NKAIN1: variants seen among roughly 807,000 people sequenced by gnomAD.
NKAIN1 encodes sodium/potassium-transporting ATPase subunit beta-1-interacting protein 1.
Under a neutral mutation model 31.6 loss-of-function variants are expected in NKAIN1, and 13 were observed. That is an observed-to-expected ratio of 0.41 (90% CI 0.27 to 0.65). The LOEUF (loss-of-function observed/expected upper bound fraction) is 0.65, where lower values mean the gene tolerates loss of function less well. Ranked by LOEUF, NKAIN1 falls within the 30% of genes least tolerant of loss-of-function variation. NKAIN1 has a pLI of 0.30. For synonymous variants in NKAIN1, 104 were observed against 109.0 expected (o/e 0.95, Z 0.28); for missense variants, 193 against 262.2 (o/e 0.74, Z 1.82).
rs1194875411 is a variant in NKAIN1 at position 31,239,620 on chromosome 1, G to A, written c.-73C>T. 1.1e-5 allele frequency: 10 copies of A among 908,632 alleles called. No homozygotes were observed. The highest frequency in any genetic ancestry group is 5.1e-5 in the South Asian group (1 of 19,650). 56.3% of individuals were successfully genotyped at this position (908,632 alleles called of 1,614,324 possible). ...CGCGGCCGCCGCCTGCTCGCGCCGC[G>A]CGGGCTCCACGTCCTCCCCGCTGGG... is the stretch of plus-strand genomic sequence containing the variant. On this transcript the variant is annotated 5_prime_UTR_variant, in exon 1 of 7. Coordinates refer to ENST00000373736, the MANE Select transcript of NKAIN1 (RefSeq NM_024522.3). This position sits in a 1 kb window ranked among gnomAD's most constrained non-coding sequence, Gnocchi z 4.8.
intron 1 of NKAIN1, among the ~76,000 whole-genome samples, chr1:31,222,756 G>A (rs1192965133): frequency 6.6e-6 from 1 of 152,206 alleles, no homozygotes; most frequent in Non-Finnish European, 1.5e-5. Flanking sequence ...ACCTGGTGAA[G>A]TGCAAAGTTC....
At chr1:31,215,197 TCTC>T (rs1645501720) in intron 1 of NKAIN1, among the ~76,000 whole-genome samples, 1 of 152,116 alleles carries the variant, frequency 6.6e-6, no homozygotes, top group Non-Finnish European at 1.5e-5. Context: ...ACTTCTGACT[TCTC>T]CTTCCGACTA....
intron 1 of NKAIN1, among the ~76,000 whole-genome samples, chr1:31,206,258 T>TAAATAAATAAATAAATAAATA: frequency 3.4e-5 from 1 of 29,100 alleles, no homozygotes; most frequent in South Asian, 9.1e-4. Context: ...ATAAATAAAA[T>TAAATAAATAAATAAATAAATA]AAAAATAAAT....
At chr1:31,196,271 T>C (rs949178719) in intron 1 of NKAIN1, among the ~76,000 whole-genome samples, 3 of 152,004 alleles carry the variant, frequency 2.0e-5, no homozygotes, top group Non-Finnish European at 4.4e-5. Context: ...CCCAGCACTT[T>C]GGGAGGCCGA....
At chr1:31,231,805 C>T (rs1157821604) in intron 1 of NKAIN1, among the ~76,000 whole-genome samples, 2 of 152,208 alleles carry the variant, frequency 1.3e-5, no homozygotes, top group African/African-American at 4.8e-5. Flanking sequence ...GCCGGGATTA[C>T]AAGCGTGAGC....
intron 1 of NKAIN1, among the ~76,000 whole-genome samples, chr1:31,215,695 C>T (rs12409835): frequency 0.07 from 10,593 of 152,146 alleles, 494 homozygotes; most frequent in Admixed American, 0.16. Flanking sequence ...CTGGCCCAAC[C>T]GAAGGCCCTG....
intron 5 of NKAIN1, 124 bp downstream of exon 5, chr1:31,182,406 C>G: frequency 9.7e-7 from 1 of 1,031,836 alleles, no homozygotes; most frequent in East Asian, 2.4e-5. Flanking sequence ...GCCGCCTCTT[C>G]CCCTCGAAAG....
At position 31,204,880 on chromosome 1, in the gene NKAIN1, C is replaced by A. The variant is rs183807319; in HGVS notation, c.55-16693G>T. ...AATGAAAACAAGCAGGAGGTAACAT[C>A]TACCCAGGATGGGACTGAGGCTGCT... is the stretch of plus-strand genomic sequence containing the variant. On this transcript the variant is annotated intron_variant, in intron 1 of 6. Transcript: ENST00000373736. Among the ~76,000 whole-genome samples, 530 of 152,232 alleles carry A rather than the reference C, an allele frequency of 3.5e-3. 2 individuals carry two copies. Among genetic ancestry groups the A allele is most frequent in the Non-Finnish European group, 6.5e-3 (445 of 68,010 alleles).
At chr1:31,223,930 C>T (rs1420352366) in intron 1 of NKAIN1, among the ~76,000 whole-genome samples, 1 of 152,214 alleles carries the variant, frequency 6.6e-6, no homozygotes, top group Non-Finnish European at 1.5e-5. Context: ...TCCTGCAATG[C>T]CTGTTCCAGT....
At chr1:31,223,063 A>G (rs1645575741) in intron 1 of NKAIN1, among the ~76,000 whole-genome samples, 1 of 152,118 alleles carries the variant, frequency 6.6e-6, no homozygotes, top group African/African-American at 2.4e-5. Context: ...GGGGAAAAGC[A>G]GCGGCTCTGG....
intron 1 of NKAIN1, among the ~76,000 whole-genome samples, chr1:31,216,961 A>G (rs2185421): frequency 0.51 from 77,319 of 151,722 alleles, 21,071 homozygotes; most frequent in East Asian, 0.77. Context: ...CGCCTCCCGC[A>G]TTCAAGCGAT....
At chr1:31,181,799 C>T in intron 6 of NKAIN1, 61 bp downstream of exon 6, 1 of 1,564,756 alleles carries the variant, frequency 6.4e-7, no homozygotes, top group South Asian at 1.2e-5. Context: ...CTCCTCCATC[C>T]CCTCCTTTTC....
At chr1:31,205,912 C>G (rs1356823343) in intron 1 of NKAIN1, among the ~76,000 whole-genome samples, 1 of 151,614 alleles carries the variant, frequency 6.6e-6, no homozygotes, top group Non-Finnish European at 1.5e-5. Context: ...CATGAGCCAC[C>G]GCGCCCGGCC....
chr1:31,218,016 T>TTTTTTC (rs773175985), intron 1 of NKAIN1, among the ~76,000 whole-genome samples: 14 of 108,240 alleles, frequency 1.3e-4, no homozygotes, highest in Admixed American at 5.9e-4. Flanking sequence ...GCAGCTACCA[T>TTTTTTC]TTTCTTTCTT....
chr1:31,189,641 C>T (rs538295803), intron 1 of NKAIN1, among the ~76,000 whole-genome samples: 1 of 152,332 alleles, frequency 6.6e-6, no homozygotes, highest in East Asian at 1.9e-4. Flanking sequence ...AGAACCACCT[C>T]CTACCACTCT....
chr1:31,214,798 T>C (rs962529870), intron 1 of NKAIN1, among the ~76,000 whole-genome samples: 3 of 152,100 alleles, frequency 2.0e-5, no homozygotes, highest in African/African-American at 7.2e-5. Flanking sequence ...ATGGACATAA[T>C]AGCAGGCGCT....
chr1:31,212,726 C>T (rs11587553), intron 1 of NKAIN1, among the ~76,000 whole-genome samples: 100,754 of 150,178 alleles, frequency 0.67, 34,756 homozygotes, highest in Middle Eastern at 0.86. Context: ...CTTGGCCAGG[C>T]CCGGTGGCTC....
rs1645210932 is a variant in NKAIN1, at chr1:31,182,512, CA to C, written c.532+17del. The C allele has an allele frequency of 1.2e-6, 2 of 1,613,960 alleles. No homozygotes were observed. The highest frequency in any genetic ancestry group is 3.3e-4 in the Middle Eastern group (2 of 6,060). ...CGCAGGGCCAGATTCCCCACTTCCCCAGGGGCGCCTTACTCACAGCTGTCCT... is the reference window on the plus strand; with the variant it reads ...CGCAGGGCCAGATTCCCCACTTCCCCGGGGCGCCTTACTCACAGCTGTCCT... On this transcript the variant is annotated intron_variant, in intron 5 of 6. Coordinates refer to ENST00000373736, the MANE Select transcript of NKAIN1 (RefSeq NM_024522.3).
At chr1:31,220,863 G>T (rs911246659) in intron 1 of NKAIN1, among the ~76,000 whole-genome samples, 2 of 152,048 alleles carry the variant, frequency 1.3e-5, no homozygotes, top group African/African-American at 4.8e-5. Flanking sequence ...TGCTCTTGGG[G>T]TTCATTCAAG....
Sources: allele counts gnomAD v4.1 joint callset (sites outside exome capture counted in the v4.1 genomes callset), GRCh38; gene constraint gnomAD v4.1.1; non-coding constraint Gnocchi (gnomAD v3.1); transcripts MANE v1.5; gene names NCBI Gene and HGNC (gene_info 2026-07-23, HGNC 2026-07-21).